Variants in CCP110 observed in about 807,000 individuals in gnomAD.
CCP110 encodes the protein centriolar coiled-coil protein 110.
A neutral mutation model predicts 105.5 loss-of-function variants in CCP110; 43 were observed. The ratio of observed to expected loss-of-function variants is 0.41; its 90% confidence interval spans 0.32 to 0.53. CCP110 has a LOEUF of 0.53. Among genes scored for constraint, CCP110 ranks in the 20% least tolerant of loss-of-function variants. The pLI, the probability that CCP110 is intolerant of heterozygous loss-of-function variation, is 0.32. For missense variants in CCP110, 1,016 were observed against 1,189.1 expected (o/e 0.85, Z 2.14); for synonymous variants, 353 against 392.1 (o/e 0.90, Z 1.18).
chr16:19,539,507 G>A (rs1242682831), intron 4 of CCP110, among the ~76,000 whole-genome samples: 5 of 151,718 alleles, frequency 3.3e-5, no homozygotes, highest in Non-Finnish European at 5.9e-5. Context: ...ACAGGCATGC[G>A]CCACCACGCC....
At position 19,546,985 on chromosome 16, in the gene CCP110, C is replaced by T. The variant is rs144535644; in HGVS notation, c.2840+511C>T. 305 of 153,950 alleles carry T rather than the reference C, an allele frequency of 2.0e-3. 4 individuals carry two copies. The East Asian group carries it at 0.035, about 18-fold the overall frequency. 9.5% of individuals were successfully genotyped at this position (153,950 alleles called of 1,614,324 possible). A position where few individuals can be genotyped will look rare whatever the true frequency, so the allele number is the denominator to read the frequency against. ...CCTGGCCATATACCTAGTCACATGT[C>T]AGACCAGATGTGCCCGGACCTTTTG... On this transcript the variant is annotated intron_variant, in intron 12 of 14. Coordinates refer to ENST00000381396, the Ensembl canonical transcript of CCP110.
intron 2 of CCP110, among the ~76,000 whole-genome samples, chr16:19,531,981 AG>A (rs397954688): frequency 1.3e-5 from 2 of 151,810 alleles, no homozygotes; most frequent in Non-Finnish European, 2.9e-5. Context: ...AAAAAAAAAA[AG>A]GATACTGAAT....
At chr16:19,532,353 A>G (rs1969898727) in intron 2 of CCP110, 63 bp from the exon 3 acceptor site, 4 of 1,416,496 alleles carry the variant, frequency 2.8e-6, no homozygotes, top group Non-Finnish European at 3.8e-6. Context: ...TCTGATTCAC[A>G]ACTTCCCGAT....
chr16:19,528,082 G>T, intron 2 of CCP110, 60 bp downstream of exon 2: 1 of 1,389,554 alleles, frequency 7.2e-7, no homozygotes, highest in Non-Finnish European at 9.8e-7. Context: ...AACAGTTCGT[G>T]GAAAAACAAA....
At chr16:19,542,657 C>T (rs1206784107) in exon 7 of CCP110, 3 of 1,612,260 alleles carry the variant, frequency 1.9e-6, no homozygotes, top group Non-Finnish European at 2.5e-6. Flanking sequence ...AGCTTTGTTT[C>T]TGCAAACGAA....
chr16:19,536,061 C>G (rs372440972), exon 4 of CCP110: 5 of 1,613,884 alleles, frequency 3.1e-6, no homozygotes, highest in Middle Eastern at 1.7e-4. Context: ...CCAAGCCATA[C>G]GGAACACTCT....
exon 2 of CCP110, chr16:19,527,929 A>G (rs745606734): frequency 1.9e-6 from 3 of 1,613,756 alleles, no homozygotes; most frequent in East Asian, 4.5e-5. Flanking sequence ...CCAGAATACA[A>G]GAAGCATCAC....
chr16:19,531,862 AG>A (rs2151464777), intron 2 of CCP110, among the ~76,000 whole-genome samples: 1 of 151,718 alleles, frequency 6.6e-6, no homozygotes, highest in East Asian at 2.0e-4. Context: ...TCTACTCCGG[AG>A]GCTGAGGCAG....
At chr16:19,534,980 A>G (rs777388320) in intron 3 of CCP110, among the ~76,000 whole-genome samples, 14 of 142,338 alleles carry the variant, frequency 9.8e-5, no homozygotes, top group Non-Finnish European at 1.6e-4. Context: ...TCCCAGATTC[A>G]TGCCATTCTC....
intron 3 of CCP110, among the ~76,000 whole-genome samples, chr16:19,533,728 G>A (rs1969954863): frequency 6.6e-6 from 1 of 152,168 alleles, no homozygotes; most frequent in African/African-American, 2.4e-5. Context: ...TTGTCAGAGT[G>A]AAATTCAGCA....
chr16:19,542,521 C>T, intron 6 of CCP110, 100 bp from the exon 7 acceptor site: 1 of 842,742 alleles, frequency 1.2e-6, no homozygotes, highest in Non-Finnish European at 1.8e-6. Flanking sequence ...TTTTTGGAGG[C>T]AGTTGTTATT....
At chr16:19,537,890 T>C (rs1970132695) in intron 4 of CCP110, among the ~76,000 whole-genome samples, 1 of 152,030 alleles carries the variant, frequency 6.6e-6, no homozygotes, top group Non-Finnish European at 1.5e-5. Context: ...CCCAAGTAGC[T>C]GGGACTACAG....
intron 8 of CCP110, among the ~76,000 whole-genome samples, chr16:19,543,391 A>G (rs1055481388): frequency 6.6e-6 from 1 of 152,138 alleles, no homozygotes; most frequent in Middle Eastern, 3.2e-3. Context: ...TAATCCTGTT[A>G]TCTTCATAAG....
chr16:19,544,935 A>T (rs752230910), intron 9 of CCP110, 37 bp downstream of exon 9: 20 of 1,124,424 alleles, frequency 1.8e-5, no homozygotes, highest in Non-Finnish European at 2.6e-5. Context: ...TAAGACATGG[A>T]CATATTATAT....
At chr16:19,538,977 T>A (rs1223746916) in intron 4 of CCP110, among the ~76,000 whole-genome samples, 1 of 151,850 alleles carries the variant, frequency 6.6e-6, no homozygotes, top group Admixed American at 6.6e-5. Flanking sequence ...CTGGGCGTAG[T>A]GGTGCACATC....
intron 4 of CCP110, among the ~76,000 whole-genome samples, chr16:19,540,099 A>G (rs1160924821): frequency 6.6e-6 from 1 of 152,184 alleles, no homozygotes; most frequent in Non-Finnish European, 1.5e-5. Context: ...TGGTATTTGT[A>G]CATTTCAACA....
At chr16:19,528,557 G>A (rs898367691) in intron 2 of CCP110, among the ~76,000 whole-genome samples, 2 of 152,072 alleles carry the variant, frequency 1.3e-5, no homozygotes, top group Admixed American at 6.6e-5. Flanking sequence ...GTAAAACACC[G>A]TGTGCAGCAT....
intron 14 of CCP110, among the ~76,000 whole-genome samples, chr16:19,550,387 A>G (rs1388121057): frequency 6.6e-6 from 1 of 152,204 alleles, no homozygotes; most frequent in Admixed American, 6.5e-5. Flanking sequence ...GCCTGACCTC[A>G]GGTGATCCGC....
chr16:19,538,943 C>G (rs777234568), intron 4 of CCP110, among the ~76,000 whole-genome samples: 11 of 151,800 alleles, frequency 7.2e-5, no homozygotes, highest in Non-Finnish European at 1.5e-4. Flanking sequence ...GAAACCCCGT[C>G]TCTACTAAAA....
Sources: gnomAD v4.1 joint callset for allele counts (sites outside exome capture counted in the v4.1 genomes callset) on GRCh38, gnomAD v4.1.1 for gene constraint, MANE v1.5 for transcripts, NCBI Gene and HGNC (gene_info 2026-07-23, HGNC 2026-07-21) for gene names.